KIF27: variants seen among roughly 807,000 people sequenced by gnomAD.
The protein encoded by KIF27 is kinesin family member 27.
Under a neutral mutation model 141.8 loss-of-function variants are expected in KIF27, and 84 were observed. That is an observed-to-expected ratio of 0.59 (90% CI 0.50 to 0.71). The LOEUF (loss-of-function observed/expected upper bound fraction) is 0.71. Among genes scored for constraint, KIF27 ranks in the 30% least tolerant of loss-of-function variants. The pLI, the probability that KIF27 is intolerant of heterozygous loss-of-function variation, is 0.00. For synonymous variants in KIF27, 471 were observed against 569.5 expected, an observed-to-expected ratio of 0.83 and a Z score of 2.46; for missense variants, 1,306 against 1,628.4, an observed-to-expected ratio of 0.80 and a Z score of 3.41.
rs12236455 is a variant in KIF27 at position 83,838,330 on chromosome 9, T to A, written c.3722-845A>T. On this transcript the variant is annotated intron_variant, in intron 17 of 17. Transcript: ENST00000297814. The stretch of plus-strand genomic sequence containing the variant: ...CTCACTGCAAGCTCCGCTTCCTGGG[T>A]TCACGCCATTCTCCTGCCTCAGCCT... Among the ~76,000 whole-genome samples the A allele has an allele frequency of 8.0e-3, 1,214 of 152,138 alleles. 31 individuals carry two copies. Among genetic ancestry groups the A allele is most frequent in the East Asian group, 0.037 (190 of 5,166 alleles).
intron 1 of KIF27, among the ~76,000 whole-genome samples, chr9:83,918,445 G>C (rs2132869071): frequency 6.6e-6 from 1 of 152,090 alleles, no homozygotes; most frequent in South Asian, 2.1e-4. Context: ...TCACTGAATG[G>C]GAGAAAATAT....
intron 5 of KIF27, among the ~76,000 whole-genome samples, chr9:83,896,329 G>T (rs1953249211): frequency 1.3e-5 from 2 of 152,136 alleles, no homozygotes; most frequent in Admixed American, 6.6e-5. Flanking sequence ...CCCACTTGAT[G>T]GTAACTGTAG....
intron 2 of KIF27, among the ~76,000 whole-genome samples, chr9:83,910,079 A>G (rs1438197684): frequency 1.3e-5 from 2 of 151,790 alleles, no homozygotes; most frequent in Non-Finnish European, 2.9e-5. Flanking sequence ...ACATACATAC[A>G]TACATACGTA....
chr9:83,880,918 T>C (rs898769722), intron 10 of KIF27, among the ~76,000 whole-genome samples: 4 of 152,220 alleles, frequency 2.6e-5, no homozygotes, highest in African/African-American at 9.6e-5. Context: ...GAAAAAAATG[T>C]ATGCAATGCA....
intron 3 of KIF27, among the ~76,000 whole-genome samples, chr9:83,905,676 T>C (rs1030020437): frequency 6.6e-6 from 1 of 152,218 alleles, no homozygotes; most frequent in Non-Finnish European, 1.5e-5. Context: ...GGCTATAAGT[T>C]AGCACTATGG....
chr9:83,908,904 T>A (rs1056754711), intron 2 of KIF27, among the ~76,000 whole-genome samples: 1 of 152,090 alleles, frequency 6.6e-6, no homozygotes, highest in East Asian at 1.9e-4. Context: ...GGATTACAGA[T>A]GCCCACCACC....
In KIF27 at chr9:83,834,457, C is replaced by G. The variant is rs998579310; in HGVS notation, c.*2544G>C. On this transcript the variant is annotated 3_prime_UTR_variant, in exon 18 of 18. Transcript: ENST00000297814. Reference sequence around the variant, plus strand: ...TGTTTAACCAAAAGGAAGAAAAACACCATACCTTTGTTATTTAGAAATCAA... The same window carrying G: ...TGTTTAACCAAAAGGAAGAAAAACAGCATACCTTTGTTATTTAGAAATCAA... Among the ~76,000 whole-genome samples the G allele has an allele frequency of 3.3e-5, 5 of 152,052 alleles. No homozygotes were observed. Among genetic ancestry groups the G allele is most frequent in the Non-Finnish European group, 7.4e-5 (5 of 67,958 alleles).
intron 16 of KIF27, chr9:83,847,779 G>A (rs1947484547): frequency 6.6e-6 from 1 of 151,908 alleles, no homozygotes; most frequent in Non-Finnish European, 1.5e-5. Context: ...CTCCCAGCCT[G>A]CATCTTTCTC....
At chr9:83,846,852 C>T (rs896097035) in intron 16 of KIF27, among the ~76,000 whole-genome samples, 1 of 152,186 alleles carries the variant, frequency 6.6e-6, no homozygotes, top group East Asian at 1.9e-4. Context: ...CACCTGGACA[C>T]TTTGGGCTCC....
chr9:83,913,322 G>A (rs1394059658), intron 2 of KIF27, among the ~76,000 whole-genome samples: 1 of 152,144 alleles, frequency 6.6e-6, no homozygotes, highest in East Asian at 1.9e-4. Context: ...ATTCACTGGA[G>A]GGGTAAAAAG....
chr9:83,888,910 A>C (rs1173854824), intron 7 of KIF27, among the ~76,000 whole-genome samples, 174 bp downstream of exon 7: 2 of 151,966 alleles, frequency 1.3e-5, no homozygotes, highest in African/African-American at 4.8e-5. Context: ...AAGACTGATG[A>C]CTTGTGTTCA....
intron 5 of KIF27, among the ~76,000 whole-genome samples, chr9:83,895,146 C>T (rs1258820281): frequency 6.6e-6 from 1 of 150,400 alleles, no homozygotes; most frequent in African/African-American, 2.4e-5. Flanking sequence ...CCTGTAGTCC[C>T]AGCTACTTGG....
chr9:83,836,518 C>CT lies in KIF27; in HGVS notation c.*482dup, dbSNP rs1165996723. ...TGTAAATGAGCCTCAATCCATAAAG[C>CT]TGAGAGGTTGTCTTAGCCCACATAT... On this transcript the variant is annotated 3_prime_UTR_variant, in exon 18 of 18. Transcript: ENST00000297814. 1.1e-4 allele frequency among the ~76,000 whole-genome samples: 17 copies of CT among 152,016 alleles called. No homozygotes were observed. The highest frequency in any genetic ancestry group is 3.9e-4 in the African/African-American group (16 of 41,394).
chr9:83,902,337 A>G (rs1391633915), intron 4 of KIF27, among the ~76,000 whole-genome samples: 1 of 152,184 alleles, frequency 6.6e-6, no homozygotes, highest in Non-Finnish European at 1.5e-5. Flanking sequence ...CAACTGAAGG[A>G]CCATTCATTT....
intron 16 of KIF27, among the ~76,000 whole-genome samples, chr9:83,842,911 C>G (rs1181960696): frequency 6.6e-6 from 1 of 152,102 alleles, no homozygotes; most frequent in Non-Finnish European, 1.5e-5. Flanking sequence ...ATTGAGAGCC[C>G]TTAGTCACCT....
Position 83,917,348 on chromosome 9 carries a change from CAT to C in KIF27, c.-87-1672_-87-1671del, listed in dbSNP as rs1427087085. ...ACAAGATGTAAATGAAAAAACATCT[CAT>C]GTTTATGAATTGAAAGATATATTAA... On this transcript the variant is annotated intron_variant, in intron 1 of 17. Transcript: ENST00000297814. Among the ~76,000 whole-genome samples the C allele has an allele frequency of 4.6e-5, 7 of 152,254 alleles. No individual in the cohort carries two copies. In the South Asian group the frequency reaches 1.0e-3, roughly 23 times the overall value.
At chr9:83,868,633 T>C (rs35244345) in intron 12 of KIF27, 11 of 152,296 alleles carry the variant, frequency 7.2e-5, no homozygotes, top group East Asian at 3.9e-4. Flanking sequence ...CAAGTGGACA[T>C]GGTAATGAAG....
intron 14 of KIF27, among the ~76,000 whole-genome samples, chr9:83,858,013 A>G (rs1949454490): frequency 1.4e-5 from 2 of 139,286 alleles, no homozygotes; most frequent in Non-Finnish European, 3.1e-5. Flanking sequence ...AGAGCTTAGT[A>G]ATAGTCACCG....
At chr9:83,887,999 C>T (rs1162625673) in intron 8 of KIF27, among the ~76,000 whole-genome samples, 2 of 120,964 alleles carry the variant, frequency 1.7e-5, no homozygotes, top group African/African-American at 3.3e-5. Flanking sequence ...CTCCTACTAC[C>T]GGCTGGGCAC....
Sources: allele counts gnomAD v4.1 joint callset (sites outside exome capture counted in the v4.1 genomes callset), GRCh38; gene constraint gnomAD v4.1.1; transcripts MANE v1.5; gene names NCBI Gene and HGNC (gene_info 2026-07-23, HGNC 2026-07-21).